Variants in CDHR1 observed in about 807,000 individuals in gnomAD.
CDHR1 encodes the protein cadherin related family member 1.
CDHR1 carries 61 observed loss-of-function variants against 72.1 expected under a neutral mutation model. The ratio of observed to expected loss-of-function variants is 0.85; its 90% confidence interval spans 0.69 to 1.05. The LOEUF is 1.05. CDHR1 is among the 50% of genes least tolerant of loss of function. The pLI is 0.00. For missense variants in CDHR1, 1,186 were observed against 1,115.7 expected, an observed-to-expected ratio of 1.06 and a Z score of -0.90; for synonymous variants, 470 against 448.1, an observed-to-expected ratio of 1.05 and a Z score of -0.62.
At position 84,217,576 on chromosome 10, in the gene CDHR1, T is replaced by C. The variant is rs1190147816; in HGVS notation, c.*2955T>C. ...TGGTTGCAGAGAGGATGAAAAGATC[T>C]AATATATGTAAAGTGCCTAGCACCG... On this transcript the variant is annotated 3_prime_UTR_variant, in exon 17 of 17. Transcript: ENST00000623527. 6 of 984,918 alleles carry C rather than the reference T, an allele frequency of 6.1e-6. No individual in the cohort carries two copies. The highest frequency in any genetic ancestry group is 7.2e-6 in the Non-Finnish European group (6 of 829,574). 61.0% of individuals were successfully genotyped at this position (984,918 alleles called of 1,614,324 possible).
chr10:84,212,556 C>T, intron 15 of CDHR1, 149 bp downstream of exon 15: 1 of 682,154 alleles, frequency 1.5e-6, no homozygotes, highest in Non-Finnish European at 2.6e-6. Flanking sequence ...ATCCCCATCC[C>T]CACCTCAACA....
chr10:84,197,856 A>G lies in CDHR1; in HGVS notation c.348+20A>G, dbSNP rs549505124. On this transcript the variant is annotated intron_variant, in intron 4 of 16. Transcript: ENST00000623527. ...AATCTGGTGAGTGCACGTCCAAGGCAGTCCCTGGCAGCCTGCAGTATTTGG... is the reference window on the plus strand; with the variant it reads ...AATCTGGTGAGTGCACGTCCAAGGCGGTCCCTGGCAGCCTGCAGTATTTGG... 1.3e-5 allele frequency: 21 copies of G among 1,611,480 alleles called. No homozygotes were observed. Among genetic ancestry groups the G allele is most frequent in the South Asian group, 1.1e-4 (10 of 91,018 alleles).
rs372683059 is a variant in CDHR1 at position 84,197,751 on chromosome 10, C to T, written c.298-35C>T. ...CACAGGGGTCCTATGGCGTGTCAGACTCCTGGACACTCACTCAGTCCCTGT... is the reference window on the plus strand; with the variant it reads ...CACAGGGGTCCTATGGCGTGTCAGATTCCTGGACACTCACTCAGTCCCTGT... On this transcript the variant is annotated intron_variant, in intron 3 of 16. Transcript: ENST00000623527. The T allele has an allele frequency of 3.5e-5, 56 of 1,604,510 alleles. 1 individual carries two copies. The African/African-American group carries it at 3.7e-4, about 11-fold the overall frequency.
Position 84,214,606 on chromosome 10 carries a change from C to T in CDHR1, c.2565C>T (p.Asn855=), listed in dbSNP as rs1589310041. The change falls in exon 17 of 17, where the codon AAC becomes AAT. Residue 855 remains asparagine (N), a synonymous_variant. Coordinates refer to ENST00000623527, the MANE Select transcript of CDHR1 (RefSeq NM_033100.4). ...AGTTTGAGAAGAAGAGTGTGCACAA[C>T]AAGGCTTACTTCTAGTGTATGCCCT... ...KQKFEKKSVH[N]KAYF The T allele has an allele frequency of 1.3e-6, 2 of 1,599,854 alleles. No individual in the cohort carries two copies. Among genetic ancestry groups the T allele is most frequent in the Non-Finnish European group, 1.7e-6 (2 of 1,179,908 alleles).
chr10:84,196,310 G>A (rs772596967), intron 2 of CDHR1, among the ~76,000 whole-genome samples, 195 bp from the exon 3 acceptor site: 4 of 152,214 alleles, frequency 2.6e-5, no homozygotes, highest in South Asian at 2.1e-4. Flanking sequence ...CACCCGCTGT[G>A]AAGAATAAAC....
chr10:84,197,733 G>A (rs1842053203), intron 3 of CDHR1, 53 bp from the exon 4 acceptor site: 1 of 1,512,472 alleles, frequency 6.6e-7, no homozygotes, highest in Non-Finnish European at 9.2e-7. Flanking sequence ...AGCCACAGGG[G>A]TCCTATGGCG....
In CDHR1 at chr10:84,203,493, C is replaced by A. The variant is rs199965783; in HGVS notation, c.783+370C>A. Among the ~76,000 whole-genome samples the A allele has an allele frequency of 1.1e-4, 17 of 152,226 alleles. No individual in the cohort carries two copies. In the East Asian group the frequency reaches 3.1e-3, roughly 28 times the overall value. ...GCAATGGTGCGATCTGGGCTCACTG[C>A]AACCTCTACCTCCTGGGTTCAGGCA... On this transcript the variant is annotated intron_variant, in intron 8 of 16. Transcript: ENST00000623527.
Position 84,215,959 on chromosome 10 carries a change from T to A in CDHR1, c.*1338T>A. 1 of 985,420 alleles carries A rather than the reference T, an allele frequency of 1.0e-6. No homozygotes were observed. Among genetic ancestry groups the A allele is most frequent in the Non-Finnish European group, 1.2e-6 (1 of 829,914 alleles). The allele number at this position is 985,420 out of a possible 1,614,324, so 61.0% of individuals were successfully genotyped here. A position where few individuals can be genotyped will look rare whatever the true frequency, so the allele number is the denominator to read the frequency against. On this transcript the variant is annotated 3_prime_UTR_variant, in exon 17 of 17. Coordinates refer to ENST00000623527, the MANE Select transcript of CDHR1 (RefSeq NM_033100.4). ...AGAAAATGAGTTCTCAAGGAGGGAA[T>A]GCTTTGCTTGAGGCCACACAGCAGG...
At chr10:84,205,156 C>A (rs536255157) in intron 9 of CDHR1, among the ~76,000 whole-genome samples, 1 of 152,266 alleles carries the variant, frequency 6.6e-6, no homozygotes, top group South Asian at 2.1e-4. Flanking sequence ...AGCAACTGAG[C>A]CAGATGAGCT....
chr10:84,202,175 G>C (rs1842140026), intron 7 of CDHR1, among the ~76,000 whole-genome samples: 1 of 152,148 alleles, frequency 6.6e-6, no homozygotes, highest in Non-Finnish European at 1.5e-5. Context: ...CAGGTGGGAT[G>C]GCCAAGAGAA....
chr10:84,196,419 A>C, intron 2 of CDHR1, 86 bp from the exon 3 acceptor site: 2 of 1,435,260 alleles, frequency 1.4e-6, no homozygotes, highest in Non-Finnish European at 9.8e-7. Context: ...CTTTATAAAC[A>C]GCTGAATCGT....
chr10:84,216,435 G>T lies in CDHR1; in HGVS notation c.*1814G>T. On this transcript the variant is annotated 3_prime_UTR_variant, in exon 17 of 17. Coordinates refer to ENST00000623527, the MANE Select transcript of CDHR1 (RefSeq NM_033100.4). ...TCAGGAGAGGACTGTGCTGGATCAT[G>T]CTTGCCCTCCACAGGGAATACAGCA... 9.1e-6 allele frequency: 9 copies of T among 985,498 alleles called. No homozygotes were observed. Among genetic ancestry groups the T allele is most frequent in the Non-Finnish European group, 1.1e-5 (9 of 829,954 alleles). The allele number at this position is 985,498 out of a possible 1,614,324, so 61.0% of individuals were successfully genotyped here.
At chr10:84,200,795 C>A in intron 6 of CDHR1, 108 bp downstream of exon 6, 1 of 766,652 alleles carries the variant, frequency 1.3e-6, no homozygotes, top group South Asian at 1.5e-5. Context: ...CTATGATTCC[C>A]GAGAAGTACA....
chr10:84,194,708 GC>G lies in CDHR1; in HGVS notation c.-49del. On this transcript the variant is annotated 5_prime_UTR_variant, in exon 1 of 17. Transcript: ENST00000623527. The stretch of plus-strand genomic sequence containing the variant: ...CCCGCGGGCCCAGGGCATGCTCCGT[GC>G]CCCTGCGCCCGGTCTCGGCGGCGGC... 2 of 1,426,502 alleles carry G rather than the reference GC, an allele frequency of 1.4e-6. No homozygotes were observed. 88.4% of individuals were successfully genotyped at this position (1,426,502 alleles called of 1,614,324 possible). A position where few individuals can be genotyped will look rare whatever the true frequency, so the allele number is the denominator to read the frequency against.
Position 84,218,389 on chromosome 10 carries a change from G to T in CDHR1, c.*3768G>T. The T allele has an allele frequency of 2.1e-5, 21 of 985,188 alleles. No individual in the cohort carries two copies. Among genetic ancestry groups the T allele is most frequent in the Non-Finnish European group, 2.5e-5 (21 of 829,858 alleles). The allele number at this position is 985,188 out of a possible 1,614,324, so 61.0% of individuals were successfully genotyped here. ...GTACCCCTTTTGAGGCCTGAATGAG[G>T]TTCGGTTATTTATTCATTTCTCAAT... On this transcript the variant is annotated 3_prime_UTR_variant, in exon 17 of 17. Transcript: ENST00000623527.
At position 84,196,650 on chromosome 10, in the gene CDHR1, G is replaced by A. The variant is rs577787831; in HGVS notation, c.297G>A (p.Glu99=). Residue 99 remains glutamate (E), a splice_region_variant and synonymous_variant, in exon 3 of 17, where the codon GAG becomes GAA. Coordinates refer to ENST00000623527, the MANE Select transcript of CDHR1 (RefSeq NM_033100.4). The part of the protein sequence containing the change: ...NITLVEELDR[E]REDEIEAIIS... ...CCCTGGTTGAAGAGCTGGACAGAGA[G>A]GTATGGGGAGGTGTGGGGAGTGCTG... 1.9e-6 allele frequency: 3 copies of A among 1,614,076 alleles called. No individual in the cohort carries two copies. Among genetic ancestry groups the A allele is most frequent in the South Asian group, 1.1e-5 (1 of 91,086 alleles).
Position 84,204,413 on chromosome 10 carries a change from C to G in CDHR1, c.784-114C>G, listed in dbSNP as rs1842185933. The G allele has an allele frequency of 4.6e-5, 37 of 797,056 alleles. 1 individual carries two copies. The South Asian group carries it at 5.0e-4, about 11-fold the overall frequency. 49.4% of individuals were successfully genotyped at this position (797,056 alleles called of 1,614,324 possible). ...GCCATGCTCCACCGCCACGTAGAGGCCTGACCCTTTCCTAGGTGGGGGTAG... is the reference window on the plus strand; with the variant it reads ...GCCATGCTCCACCGCCACGTAGAGGGCTGACCCTTTCCTAGGTGGGGGTAG... On this transcript the variant is annotated intron_variant, in intron 8 of 16. Coordinates refer to ENST00000623527, the MANE Select transcript of CDHR1 (RefSeq NM_033100.4).
At chr10:84,197,100 A>G (rs1269492943) in intron 3 of CDHR1, among the ~76,000 whole-genome samples, 1 of 152,172 alleles carries the variant, frequency 6.6e-6, no homozygotes, top group African/African-American at 2.4e-5. Flanking sequence ...CTTGCAGGCA[A>G]CAGGGCATGG....
intron 6 of CDHR1, 91 bp downstream of exon 6, chr10:84,200,778 G>A (rs370220205): frequency 4.7e-5 from 41 of 863,550 alleles, no homozygotes; most frequent in South Asian, 1.6e-4. Context: ...CCCTTAGGTC[G>A]GTGCCTCTAT....
Sources: allele counts gnomAD v4.1 joint callset (sites outside exome capture counted in the v4.1 genomes callset), GRCh38; gene constraint gnomAD v4.1.1; transcripts MANE v1.5; gene names NCBI Gene and HGNC (gene_info 2026-07-23, HGNC 2026-07-21).